Variants in WNT5A observed in about 807,000 individuals in gnomAD.
The protein encoded by WNT5A is Wnt family member 5A.
A neutral mutation model predicts 42.1 loss-of-function variants in WNT5A; 9 were observed. The ratio of observed to expected loss-of-function variants is 0.21; its 90% CI spans 0.13 to 0.37. The LOEUF is 0.37. WNT5A is among the 10% of genes least tolerant of loss of function. The pLI is 1.00. For synonymous variants in WNT5A, 210 were observed against 210.0 expected, an observed-to-expected ratio of 1.00 and a Z score of 0.00; for missense variants, 426 against 534.0, an observed-to-expected ratio of 0.80 and a Z score of 1.99.
intron 2 of WNT5A, among the ~76,000 whole-genome samples, chr3:55,480,199 A>G (rs933790271): frequency 3.9e-5 from 6 of 152,188 alleles, no homozygotes; most frequent in African/African-American, 1.4e-4. Context: ...ATGCCGTCAA[A>G]AATAATCCTC....
At chr3:55,491,477 AAATC>A (rs1225097478), upstream of WNT5A, among the ~76,000 whole-genome samples, 1 of 152,204 alleles carries the variant, frequency 6.6e-6, no homozygotes, top group Non-Finnish European at 1.5e-5. Flanking sequence ...TGGAACAAAT[AAATC>A]AATATTTTTG....
chr3:55,474,164 G>A (rs2051303442), intron 4 of WNT5A, among the ~76,000 whole-genome samples, 173 bp downstream of exon 4: 1 of 152,148 alleles, frequency 6.6e-6, no homozygotes, highest in African/African-American at 2.4e-5. Context: ...AAAGAGACAG[G>A]AAAGACAGAG....
chr3:55,505,173 G>T, the WNT5A span: 1 of 152,200 alleles, frequency 6.6e-6, no homozygotes, highest in South Asian at 2.1e-4. Context: ...GTTCAGCATG[G>T]CTCAGGAGGC....
rs181680418 is a variant in WNT5A, at chr3:55,465,913, A to T, written c.*4179T>A. Reference sequence around the variant, plus strand: ...TATTCTAGGTTCAAACTGATACATTAAAAAAAAATCATACCAACCTTTAAT... The same window carrying T: ...TATTCTAGGTTCAAACTGATACATTTAAAAAAAATCATACCAACCTTTAAT... On this transcript the variant is annotated 3_prime_UTR_variant, in exon 5 of 5. Transcript: ENST00000264634. The T allele has an allele frequency of 2.7e-5, 4 of 149,068 alleles. No individual in the cohort carries two copies. Among genetic ancestry groups the T allele is most frequent in the East Asian group, 3.9e-4 (2 of 5,168 alleles). The allele number at this position is 149,068 out of a possible 1,614,324, so 9.2% of individuals were successfully genotyped here. A position where few individuals can be genotyped will look rare whatever the true frequency, so the allele number is the denominator to read the frequency against.
chr3:55,492,698 A>T (rs754436516), upstream of WNT5A, among the ~76,000 whole-genome samples: 15 of 152,218 alleles, frequency 9.9e-5, no homozygotes, highest in Non-Finnish European at 2.1e-4. Flanking sequence ...GGTAATAAAC[A>T]ATCATAATAA....
intron 4 of WNT5A, among the ~76,000 whole-genome samples, chr3:55,472,188 CA>C (rs979024883): frequency 2.0e-5 from 3 of 151,998 alleles, no homozygotes; most frequent in Admixed American, 2.0e-4. Flanking sequence ...AAATTTACCC[CA>C]AAAAAACTCG....
Position 55,479,564 on chromosome 3 carries a change from C to A in WNT5A, c.141G>T (p.Trp47Cys). 6.3e-7 allele frequency: 1 copy of A among 1,583,376 alleles called. No homozygotes were observed. Residue 47 changes from tryptophan (W) to cysteine (C), a missense_variant and splice_region_variant, in exon 3 of 5, where the codon TGG (tryptophan) becomes TGT (cysteine). Trp to Cys is a radical substitution (Grantham distance 215). Coordinates refer to ENST00000264634, the MANE Select transcript of WNT5A (RefSeq NM_003392.7). ...AQVVIEANSW[W>C]SLGMNNPVQM... is the part of the protein sequence containing the mutation. ...GAACAGGGTTATTCATACCTAGCGA[C>A]CTGCAAGGGGGGGAGATGTGCATTC...
chr3:55,474,826 G>A (rs2051324306), intron 3 of WNT5A, among the ~76,000 whole-genome samples, 197 bp from the exon 4 acceptor site: 1 of 93,692 alleles, frequency 1.1e-5, no homozygotes. Context: ...GGAGGTTGGA[G>A]GTTGGGGGGA....
At chr3:55,485,927 C>A (rs1196869013) in intron 1 of WNT5A, among the ~76,000 whole-genome samples, 1 of 151,938 alleles carries the variant, frequency 6.6e-6, no homozygotes, top group African/African-American at 2.4e-5. Context: ...CAATTCTAAC[C>A]TTATTTTCTA....
In WNT5A at chr3:55,480,769, C is replaced by CA; in HGVS notation, c.140+15dup. On this transcript the variant is annotated intron_variant, in intron 2 of 4. Coordinates refer to ENST00000264634, the MANE Select transcript of WNT5A (RefSeq NM_003392.7). The stretch of plus-strand genomic sequence containing the variant: ...AGAAAAAGAAGAGGAAGAACACGCA[C>CA]ATAGAATGAACTTACCACCAAGAAT... 2 of 1,533,380 alleles carry CA rather than the reference C, an allele frequency of 1.3e-6. No individual in the cohort carries two copies. The highest frequency in any genetic ancestry group is 1.8e-6 in the Non-Finnish European group (2 of 1,141,038). 95.0% of individuals were successfully genotyped at this position (1,533,380 alleles called of 1,614,324 possible).
intron 4 of WNT5A, among the ~76,000 whole-genome samples, chr3:55,473,454 T>C (rs1217078484): frequency 6.6e-6 from 1 of 152,176 alleles, no homozygotes; most frequent in Non-Finnish European, 1.5e-5. Context: ...GTGCCATGTG[T>C]TTAACCGCAG....
rs1469562053 is a variant in WNT5A at position 55,467,250 on chromosome 3, A to G, written c.*2842T>C. ...CACGGATAAAAGCATGTGCCTTTTC[A>G]TTCTTCTCTGGGATGTTACAACAGC... On this transcript the variant is annotated 3_prime_UTR_variant, in exon 5 of 5. Coordinates refer to ENST00000264634, the MANE Select transcript of WNT5A (RefSeq NM_003392.7). 6.6e-6 allele frequency: 1 copy of G among 152,578 alleles called. No individual in the cohort carries two copies. Among genetic ancestry groups the G allele is most frequent in the Admixed American group, 6.5e-5 (1 of 15,282 alleles). The allele number at this position is 152,578 out of a possible 1,614,324, so 9.5% of individuals were successfully genotyped here.
chr3:55,490,499 A>G (rs925381346), upstream of WNT5A: 5 of 152,302 alleles, frequency 3.3e-5, no homozygotes, highest in African/African-American at 1.2e-4. Context: ...GAACCCTCTT[A>G]CACACAACAA....
At chr3:55,471,754 C>G (rs1271742303) in intron 4 of WNT5A, among the ~76,000 whole-genome samples, 2 of 152,238 alleles carry the variant, frequency 1.3e-5, no homozygotes, top group Non-Finnish European at 2.9e-5. Flanking sequence ...TTTATAGACT[C>G]TGCTGCCCAC....
chr3:55,494,384 G>A (rs1429731528), upstream of WNT5A, among the ~76,000 whole-genome samples: 1 of 152,104 alleles, frequency 6.6e-6, no homozygotes, highest in Non-Finnish European at 1.5e-5. Flanking sequence ...CTAGAAAAGT[G>A]GAGTGTTTTC....
In WNT5A at chr3:55,487,227, C is replaced by A. The variant is rs991624898; in HGVS notation, c.-242G>T. The A allele has an allele frequency of 8.2e-6, 4 of 485,316 alleles. No individual in the cohort carries two copies. The highest frequency in any genetic ancestry group is 1.4e-5 in the Non-Finnish European group (4 of 278,978). The allele number at this position is 485,316 out of a possible 1,614,324, so 30.1% of individuals were successfully genotyped here. On this transcript the variant is annotated 5_prime_UTR_variant, in exon 1 of 5. Coordinates refer to ENST00000264634, the MANE Select transcript of WNT5A (RefSeq NM_003392.7). ...GGAATGGAGGGGGCGCGGACGCGCG[C>A]GAGCCGGCAGCAAGGGCAGGGCCTG...
At chr3:55,501,279 G>T in the WNT5A span, among the ~76,000 whole-genome samples, 1 of 152,154 alleles carries the variant, frequency 6.6e-6, no homozygotes, top group Non-Finnish European at 1.5e-5. Context: ...AACTGGATTG[G>T]TTCAACAGCA....
At chr3:55,503,696 A>C in the WNT5A span, among the ~76,000 whole-genome samples, 1 of 152,212 alleles carries the variant, frequency 6.6e-6, no homozygotes, top group Non-Finnish European at 1.5e-5. Flanking sequence ...CATGCCTATA[A>C]TCCCAGCACT....
At chr3:55,473,272 T>C (rs1360038730) in intron 4 of WNT5A, among the ~76,000 whole-genome samples, 4 of 152,188 alleles carry the variant, frequency 2.6e-5, no homozygotes, top group Non-Finnish European at 4.4e-5. Flanking sequence ...CTCTACAGTT[T>C]ACTCTGTGAT....
Sources: allele counts gnomAD v4.1 joint callset (sites outside exome capture counted in the v4.1 genomes callset), GRCh38; gene constraint gnomAD v4.1.1; transcripts MANE v1.5; gene names NCBI Gene and HGNC (gene_info 2026-07-23, HGNC 2026-07-21).